RUNX1T1: variants seen among roughly 807,000 people sequenced by gnomAD.
RUNX1T1 encodes the protein RUNX1 partner transcriptional co-repressor 1, also known as protein CBFA2T1.
RUNX1T1 carries 4 observed loss-of-function variants against 62.8 expected under a neutral mutation model. That is an observed-to-expected ratio of 0.06 (90% CI 0.03 to 0.15). The LOEUF is 0.15. Among genes scored for constraint, RUNX1T1 ranks in the 10% least tolerant of loss-of-function variants. The pLI is 1.00. For missense variants in RUNX1T1, 508 were observed against 754.3 expected (o/e 0.67, Z 3.82); for synonymous variants, 291 against 286.0 (o/e 1.02, Z -0.18).
chr8:92,068,384 TCCAATGAACTTTC>T (rs1354604423), intron 2 of RUNX1T1, among the ~76,000 whole-genome samples: 1 of 152,098 alleles, frequency 6.6e-6, no homozygotes, highest in Non-Finnish European at 1.5e-5. Context: ...TGGCATATGC[TCCAATGAACTTTC>T]CCTCCTCTCA....
rs1258994032 is a variant in RUNX1T1 at position 92,014,773 on chromosome 8, AG to A, written c.192del (p.Ser65HisfsTer35). The A allele has an allele frequency of 6.2e-7, 1 of 1,613,912 alleles. No individual in the cohort carries two copies. The highest frequency in any genetic ancestry group is 8.5e-7 in the Non-Finnish European group (1 of 1,179,942). The stretch of plus-strand genomic sequence containing the variant: ...CCATTGCTGAAGCCATTGGGTGGTG[AG>A]GGGGCGCCATTCAAGGCTGTAGGAG... On this transcript the variant is annotated frameshift_variant, in exon 3 of 11. Transcript: ENST00000396218. LOFTEE classifies it high-confidence loss of function.
At chr8:91,981,988 T>C (rs1470658672) in intron 8 of RUNX1T1, among the ~76,000 whole-genome samples, 1 of 151,968 alleles carries the variant, frequency 6.6e-6, no homozygotes, top group East Asian at 1.9e-4. Flanking sequence ...ATCACGCCTG[T>C]AATCCTAGCA....
chr8:91,997,198 T>C (rs1023136842), intron 5 of RUNX1T1, among the ~76,000 whole-genome samples: 1 of 152,166 alleles, frequency 6.6e-6, no homozygotes, highest in African/African-American at 2.4e-5. Flanking sequence ...TTAGCTAGTG[T>C]GTGCTGGTAA....
At chr8:91,986,028 C>T in intron 8 of RUNX1T1, 96 bp downstream of exon 9, 1 of 863,372 alleles carries the variant, frequency 1.2e-6, no homozygotes, top group Non-Finnish European at 2.0e-6. Context: ...TCTTAAAATT[C>T]CTTGCATATC....
upstream of RUNX1T1, among the ~76,000 whole-genome samples, chr8:92,064,907 A>T (rs143264621): frequency 2.7e-3 from 409 of 152,304 alleles, 2 homozygotes; most frequent in African/African-American, 9.2e-3. Flanking sequence ...ATCTGACTAC[A>T]GTAATTGCCA....
At chr8:92,075,194 T>C (rs1834240183) in intron 2 of RUNX1T1, among the ~76,000 whole-genome samples, 1 of 152,226 alleles carries the variant, frequency 6.6e-6, no homozygotes, top group African/African-American at 2.4e-5. Context: ...CCAACCAGTA[T>C]CACACAACAT....
rs144708535 is a variant in RUNX1T1, at chr8:92,057,873, C to T, written c.7+4673G>A. 4.9e-4 allele frequency among the ~76,000 whole-genome samples: 75 copies of T among 152,258 alleles called. No homozygotes were observed. The East Asian group carries it at 9.8e-3, about 20-fold the overall frequency. On this transcript the variant is annotated intron_variant, in intron 1 of 10. Coordinates refer to ENST00000396218, the Ensembl canonical transcript of RUNX1T1. Reference sequence around the variant, plus strand: ...AAGAAATAGCTTTCAAGAAATACTACACCCACTGCCACACACAGAAATTAA... The same window carrying T: ...AAGAAATAGCTTTCAAGAAATACTATACCCACTGCCACACACAGAAATTAA...
chr8:91,994,043 A>C (rs1445500410), intron 5 of RUNX1T1, among the ~76,000 whole-genome samples: 1 of 151,854 alleles, frequency 6.6e-6, no homozygotes, highest in East Asian at 2.0e-4. Context: ...TGCAGAGCTT[A>C]ATGTTGAAGA....
At chr8:92,102,816 C>A, upstream of RUNX1T1, 1 of 1,493,258 alleles carries the variant, frequency 6.7e-7, no homozygotes, top group Non-Finnish European at 8.9e-7. This position sits in a 1 kb window ranked among gnomAD's most constrained non-coding sequence, Gnocchi z 4.5. Context: ...GGCCCGACCC[C>A]GCCGCCCGCC....
chr8:92,038,867 ACTCT>A (rs1207132476), intron 1 of RUNX1T1, among the ~76,000 whole-genome samples: 1 of 151,240 alleles, frequency 6.6e-6, no homozygotes, highest in Non-Finnish European at 1.5e-5. Flanking sequence ...CCCAGAAATT[ACTCT>A]CTCTCTTATC....
chr8:91,998,379 A>C (rs1298056027), intron 5 of RUNX1T1, among the ~76,000 whole-genome samples: 4 of 152,226 alleles, frequency 2.6e-5, no homozygotes. Context: ...AGAGAGCTGA[A>C]TGCCACAGGA....
At chr8:92,064,902 A>T (rs995079735), upstream of RUNX1T1, among the ~76,000 whole-genome samples, 2 of 152,134 alleles carry the variant, frequency 1.3e-5, no homozygotes, top group African/African-American at 4.8e-5. Context: ...CTGTTATCTG[A>T]CTACAGTAAT....
chr8:92,040,131 C>T (rs1828172197), intron 1 of RUNX1T1, among the ~76,000 whole-genome samples: 2 of 152,114 alleles, frequency 1.3e-5, no homozygotes, highest in African/African-American at 4.8e-5. Flanking sequence ...CATGGTCTTC[C>T]CTGATTTTGA....
intron 1 of RUNX1T1, among the ~76,000 whole-genome samples, chr8:92,047,508 C>T (rs985229660): frequency 6.6e-6 from 1 of 152,110 alleles, no homozygotes. Context: ...ACACCCCACC[C>T]ACCTCACATA....
upstream of RUNX1T1, among the ~76,000 whole-genome samples, chr8:92,067,330 G>C (rs1833017175): frequency 6.6e-6 from 1 of 152,190 alleles, no homozygotes; most frequent in South Asian, 2.1e-4. Context: ...GGTCTGTTTA[G>C]AAATCCTCAT....
chr8:92,047,601 G>C (rs553389688), intron 1 of RUNX1T1, among the ~76,000 whole-genome samples: 134 of 152,174 alleles, frequency 8.8e-4, no homozygotes, highest in Non-Finnish European at 1.7e-3. Context: ...AAAAAGTATA[G>C]CATGTATTAA....
intron 1 of RUNX1T1, among the ~76,000 whole-genome samples, chr8:92,051,025 T>C (rs764810813): frequency 2.0e-4 from 31 of 152,218 alleles, no homozygotes; most frequent in Non-Finnish European, 3.2e-4. Flanking sequence ...GACAATCTAA[T>C]CTAAATGAGC....
upstream of RUNX1T1, among the ~76,000 whole-genome samples, chr8:92,066,497 T>C (rs1293021010): frequency 6.6e-6 from 1 of 152,200 alleles, no homozygotes; most frequent in Non-Finnish European, 1.5e-5. Context: ...CTATTAGTGT[T>C]TTCTAAAGGC....
rs1323149974 is a variant in RUNX1T1, at chr8:92,060,551, ATATGTG to A, written c.7+1989_7+1994del. 1.7e-3 allele frequency among the ~76,000 whole-genome samples: 160 copies of A among 95,296 alleles called. No homozygotes were observed. In the East Asian group the frequency reaches 0.018, roughly 11 times the overall value. 62.5% of individuals were successfully genotyped at this position (95,296 alleles called of 152,430 possible). A position where few individuals can be genotyped will look rare whatever the true frequency, so the allele number is the denominator to read the frequency against. On this transcript the variant is annotated intron_variant, in intron 1 of 10. Coordinates refer to ENST00000396218, the Ensembl canonical transcript of RUNX1T1. ...TATATATATATATATATATATATAT[ATATGTG>A]TGTGTGTGTGTGTGTGTGTGTGTGT...
Sources: gnomAD v4.1 joint callset for allele counts (sites outside exome capture counted in the v4.1 genomes callset) on GRCh38, gnomAD v4.1.1 for gene constraint, Gnocchi (gnomAD v3.1) non-coding constraint, MANE v1.5 for transcripts, NCBI Gene and HGNC (gene_info 2026-07-23, HGNC 2026-07-21) for gene names.